Variants in CSMD1 observed in about 807,000 individuals in gnomAD.
The protein encoded by CSMD1 is CUB and sushi domain-containing protein 1.
Under a neutral mutation model 417.5 loss-of-function variants are expected in CSMD1, and 213 were observed. The observed-to-expected ratio is 0.51, with a 90% CI of 0.46 to 0.57. The LOEUF (loss-of-function observed/expected upper bound fraction) is 0.57, where lower values mean the gene tolerates loss of function less well. CSMD1 is among the 20% of genes least tolerant of loss of function. The pLI, the probability that CSMD1 is intolerant of heterozygous loss-of-function variation, is 0.00. For synonymous variants in CSMD1, 2,862 were observed against 1,736.8 expected (o/e 1.65, Z -16.11); for missense variants, 6,923 against 4,529.7 (o/e 1.53, Z -15.17).
intron 3 of CSMD1, among the ~76,000 whole-genome samples, chr8:4,315,217 C>T (rs1482244446): frequency 1.3e-5 from 2 of 152,156 alleles, no homozygotes; most frequent in Non-Finnish European, 2.9e-5. Flanking sequence ...GCACTTTCTG[C>T]TCAAAGGAAA....
chr8:4,326,446 G>C (rs1414477456), intron 3 of CSMD1, among the ~76,000 whole-genome samples: 2 of 151,894 alleles, frequency 1.3e-5, no homozygotes, highest in Non-Finnish European at 2.9e-5. Flanking sequence ...TGAGCAAGAG[G>C]TAAAGAATGC....
chr8:3,985,734 C>G (rs1814273430), intron 5 of CSMD1, among the ~76,000 whole-genome samples: 1 of 147,250 alleles, frequency 6.8e-6, no homozygotes, highest in African/African-American at 2.5e-5. Flanking sequence ...ATTAAAAAGG[C>G]TGCCTTTAAA....
intron 15 of CSMD1, among the ~76,000 whole-genome samples, chr8:3,403,283 T>C (rs1187514992): frequency 6.6e-6 from 1 of 152,202 alleles, no homozygotes; most frequent in African/African-American, 2.4e-5. Context: ...TCTGTATTAC[T>C]CACTGCTTCA....
At chr8:3,747,784 T>C (rs758430536) in intron 6 of CSMD1, among the ~76,000 whole-genome samples, 1 of 151,946 alleles carries the variant, frequency 6.6e-6, no homozygotes, top group Non-Finnish European at 1.5e-5. Context: ...CCACCAATAG[T>C]GCAAAAAAAA....
At chr8:3,433,624 C>T (rs956820497) in intron 12 of CSMD1, among the ~76,000 whole-genome samples, 2 of 152,154 alleles carry the variant, frequency 1.3e-5, no homozygotes, top group African/African-American at 2.4e-5. Flanking sequence ...TTCTTTATGT[C>T]TTGGCCCATC....
intron 3 of CSMD1, among the ~76,000 whole-genome samples, chr8:4,323,556 G>T (rs577119448): frequency 5.9e-5 from 9 of 152,136 alleles, no homozygotes; most frequent in African/African-American, 7.2e-5. Context: ...ATCTATATTG[G>T]GTCATATATC....
chr8:4,641,256 G>C (rs1370600388), intron 1 of CSMD1, among the ~76,000 whole-genome samples: 1 of 151,888 alleles, frequency 6.6e-6, no homozygotes, highest in Non-Finnish European at 1.5e-5. Context: ...CATAATTTTA[G>C]GCAACTGGAA....
At chr8:3,295,324 C>T (rs1016646668) in intron 25 of CSMD1, among the ~76,000 whole-genome samples, 4 of 152,014 alleles carry the variant, frequency 2.6e-5, no homozygotes, top group African/African-American at 7.2e-5. Context: ...CACGGGGTTT[C>T]ACTGTGTTAG....
At chr8:2,975,806 G>A (rs1287480161) in intron 55 of CSMD1, among the ~76,000 whole-genome samples, 3 of 152,154 alleles carry the variant, frequency 2.0e-5, no homozygotes, top group African/African-American at 7.2e-5. Context: ...TTCCCAAAGT[G>A]ACGACAATTC....
At chr8:3,359,105 G>T (rs777576704) in intron 21 of CSMD1, 47 bp downstream of exon 21, 6 of 1,589,862 alleles carry the variant, frequency 3.8e-6, no homozygotes, top group Non-Finnish European at 4.3e-6. Flanking sequence ...GCCTGGGCTA[G>T]ACCCTGCCCC....
chr8:3,527,914 T>A (rs1216429919), intron 10 of CSMD1, among the ~76,000 whole-genome samples: 1 of 152,214 alleles, frequency 6.6e-6, no homozygotes, highest in African/African-American at 2.4e-5. Flanking sequence ...GGCTAAGTCT[T>A]GGTTGTAGGG....
intron 3 of CSMD1, among the ~76,000 whole-genome samples, chr8:4,152,689 C>G (rs1260304639): frequency 6.8e-6 from 1 of 147,400 alleles, no homozygotes; most frequent in Non-Finnish European, 1.5e-5. Context: ...GACCTTGTCT[C>G]AAAAAAGAAA....
chr8:3,838,616 T>A (rs945731247), intron 5 of CSMD1, among the ~76,000 whole-genome samples: 3 of 136,970 alleles, frequency 2.2e-5, no homozygotes, highest in Admixed American at 7.7e-5. Context: ...TTATATATAA[T>A]AAATAAATTA....
intron 49 of CSMD1, among the ~76,000 whole-genome samples, chr8:3,064,948 C>A (rs1453711242): frequency 1.3e-5 from 2 of 151,892 alleles, no homozygotes; most frequent in African/African-American, 4.8e-5. Context: ...AATTAGAGAA[C>A]AAAACTTTGA....
At chr8:3,672,940 G>A (rs141987261) in intron 7 of CSMD1, among the ~76,000 whole-genome samples, 2 of 152,266 alleles carry the variant, frequency 1.3e-5, no homozygotes, top group East Asian at 3.9e-4. Flanking sequence ...ACCCCAAGGA[G>A]AATCAATAAC....
intron 3 of CSMD1, among the ~76,000 whole-genome samples, chr8:4,397,502 A>C (rs929920997): frequency 4.0e-5 from 6 of 148,832 alleles, no homozygotes; most frequent in Non-Finnish European, 5.9e-5. Context: ...GCCCATGAGC[A>C]ATGTCAACAA....
chr8:3,902,858 G>C (rs1807848275), intron 5 of CSMD1, among the ~76,000 whole-genome samples: 1 of 145,450 alleles, frequency 6.9e-6, no homozygotes, highest in Non-Finnish European at 1.5e-5. Flanking sequence ...ATAAATAGTA[G>C]CTACATCCAA....
chr8:4,387,468 G>C (rs1166484358), intron 3 of CSMD1, among the ~76,000 whole-genome samples: 2 of 147,370 alleles, frequency 1.4e-5, no homozygotes, highest in African/African-American at 4.9e-5. Context: ...TCAGGAAGTT[G>C]AGTGTACTTT....
chr8:4,314,134 G>C (rs986223649), intron 3 of CSMD1, among the ~76,000 whole-genome samples: 4 of 152,166 alleles, frequency 2.6e-5, no homozygotes, highest in South Asian at 2.1e-4. Context: ...GACATGCAGA[G>C]ACTGTCAACA....
Sources: allele counts gnomAD v4.1 joint callset (sites outside exome capture counted in the v4.1 genomes callset), GRCh38; gene constraint gnomAD v4.1.1; transcripts MANE v1.5; gene names NCBI Gene and HGNC (gene_info 2026-07-23, HGNC 2026-07-21).